DLGAP1: variants seen among roughly 807,000 people sequenced by gnomAD.
The protein encoded by DLGAP1 is disks large-associated protein 1.
A neutral mutation model predicts 90.8 loss-of-function variants in DLGAP1; 11 were observed. That is an observed-to-expected ratio of 0.12 (90% confidence interval 0.08 to 0.20). The LOEUF (loss-of-function observed/expected upper bound fraction) is 0.20. Among genes scored for constraint, DLGAP1 ranks in the 10% least tolerant of loss-of-function variants. The pLI is 1.00. For synonymous variants in DLGAP1, 558 were observed against 540.7 expected, an observed-to-expected ratio of 1.03 and a Z score of -0.44; for missense variants, 1,050 against 1,333.8, an observed-to-expected ratio of 0.79 and a Z score of 3.31.
Position 4,378,226 on chromosome 18 carries a change from G to T in DLGAP1, c.-267+76780C>A, listed in dbSNP as rs1445336070. 6.6e-6 allele frequency among the ~76,000 whole-genome samples: 1 copy of T among 151,340 alleles called. No individual in the cohort carries two copies. The highest frequency in any genetic ancestry group is 1.5e-5 in the Non-Finnish European group (1 of 67,828). On this transcript the variant is annotated intron_variant, in intron 1 of 12. Coordinates refer to ENST00000315677, the MANE Select transcript of DLGAP1 (RefSeq NM_004746.4). The surrounding 1 kb of genome is among the most constrained non-coding windows in gnomAD (Gnocchi z 4.5). The stretch of plus-strand genomic sequence containing the variant: ...ACTGAATGGGGGAGGTGTGGAATGG[G>T]GAAGCCAGGAAAGAGGTAAGAATAA...
At chr18:3,556,792 C>G (rs11875450) in intron 9 of DLGAP1, among the ~76,000 whole-genome samples, 27,695 of 152,012 alleles carry the variant, frequency 0.18, 2,909 homozygotes, top group East Asian at 0.31. Flanking sequence ...AAATTGCTGA[C>G]TTGTATGGTA....
At chr18:3,749,307 C>A (rs1399515866) in intron 5 of DLGAP1, among the ~76,000 whole-genome samples, 1 of 151,988 alleles carries the variant, frequency 6.6e-6, no homozygotes, top group African/African-American at 2.4e-5. Context: ...TGCCACCACA[C>A]CCAGCTAATT....
intron 1 of DLGAP1, among the ~76,000 whole-genome samples, chr18:4,329,699 A>G (rs1297875611): frequency 6.6e-6 from 1 of 152,016 alleles, no homozygotes; most frequent in African/African-American, 2.4e-5. Flanking sequence ...TAGATTTTGA[A>G]AACATGGGTT....
At chr18:3,908,176 A>G (rs1022037837) in intron 3 of DLGAP1, among the ~76,000 whole-genome samples, 2 of 152,222 alleles carry the variant, frequency 1.3e-5, no homozygotes, top group Admixed American at 1.3e-4. Context: ...AGAGTAGGAC[A>G]GAATTCCCTG....
At chr18:4,210,390 T>C (rs931700269) in intron 1 of DLGAP1, among the ~76,000 whole-genome samples, 1 of 152,210 alleles carries the variant, frequency 6.6e-6, no homozygotes, top group Non-Finnish European at 1.5e-5. Flanking sequence ...GGAAATGTAC[T>C]CAGCTCATAG....
chr18:4,164,509 G>A (rs985096519), intron 1 of DLGAP1, among the ~76,000 whole-genome samples: 30 of 152,042 alleles, frequency 2.0e-4, no homozygotes, highest in Admixed American at 7.2e-4. Flanking sequence ...GTGAAACCCC[G>A]TCCCTACTAA....
intron 3 of DLGAP1, among the ~76,000 whole-genome samples, chr18:3,953,285 T>G (rs2073024127): frequency 6.6e-6 from 1 of 152,160 alleles, no homozygotes; most frequent in East Asian, 1.9e-4. Context: ...ATCACCCAAA[T>G]AGTGACCATT....
intron 1 of DLGAP1, among the ~76,000 whole-genome samples, chr18:4,279,818 C>G (rs2079508483): frequency 6.6e-6 from 1 of 152,028 alleles, no homozygotes; most frequent in African/African-American, 2.4e-5. Context: ...TTTTAGTTTT[C>G]ATTAATTATA....
intron 1 of DLGAP1, among the ~76,000 whole-genome samples, chr18:4,189,687 G>T (rs2077360102): frequency 2.6e-5 from 4 of 152,012 alleles, no homozygotes; most frequent in Non-Finnish European, 5.9e-5. Flanking sequence ...GAAGTCAGAG[G>T]ACTGACACTA....
At chr18:4,330,047 G>C (rs1019660169) in intron 1 of DLGAP1, among the ~76,000 whole-genome samples, 17 of 151,920 alleles carry the variant, frequency 1.1e-4, no homozygotes, top group African/African-American at 3.9e-4. Flanking sequence ...ATGCTTGATA[G>C]ACATTGAGCT....
chr18:4,238,758 C>T (rs1021068460), intron 1 of DLGAP1, among the ~76,000 whole-genome samples: 38 of 152,108 alleles, frequency 2.5e-4, no homozygotes, highest in Non-Finnish European at 8.8e-5. Context: ...ATAGGAGCTG[C>T]TTTCATATTA....
At position 3,808,822 on chromosome 18, in the gene DLGAP1, A is replaced by AAAC. The variant is rs368370134; in HGVS notation, c.1172+5234_1172+5236dup. Reference sequence around the variant, plus strand: ...GGGGAGCAAAAAACGTATACAAGATAAACAACAACAACAACAAAAGAGACT... The same window carrying AAAC: ...GGGGAGCAAAAAACGTATACAAGATAAACAACAACAACAACAACAAAAGAGACT... On this transcript the variant is annotated intron_variant, in intron 5 of 12. Transcript: ENST00000315677. 1.3e-3 allele frequency among the ~76,000 whole-genome samples: 191 copies of AAAC among 152,162 alleles called. 1 individual carries two copies. Among genetic ancestry groups the AAAC allele is most frequent in the African/African-American group, 4.4e-3 (182 of 41,524 alleles).
At chr18:3,959,042 T>C (rs1345604190) in intron 3 of DLGAP1, among the ~76,000 whole-genome samples, 1 of 152,206 alleles carries the variant, frequency 6.6e-6, no homozygotes, top group Non-Finnish European at 1.5e-5. Context: ...TCCAACCTAG[T>C]TGAAAGATTT....
intron 8 of DLGAP1, among the ~76,000 whole-genome samples, chr18:3,572,069 GTTTTTTTTTT>G (rs67491547): frequency 9.5e-6 from 1 of 105,620 alleles, no homozygotes; most frequent in East Asian, 3.1e-4. Context: ...TTTCTTCTAG[GTTTTTTTTTT>G]TTTTTTTTTT....
chr18:3,646,884 T>C lies in DLGAP1; in HGVS notation c.1592-64636A>G, dbSNP rs546987284. On this transcript the variant is annotated intron_variant, in intron 7 of 12. Coordinates refer to ENST00000315677, the MANE Select transcript of DLGAP1 (RefSeq NM_004746.4). ...AGCTTGCAGTGAGCCAAGATCGAAC[T>C]ACTGCACTTCAGCCTGGGCAACAGG... 6.0e-3 allele frequency among the ~76,000 whole-genome samples: 907 copies of C among 151,822 alleles called. 9 individuals carry two copies. The highest frequency in any genetic ancestry group is 0.02 in the African/African-American group (837 of 41,266).
intron 1 of DLGAP1, among the ~76,000 whole-genome samples, chr18:4,185,606 A>G (rs2077280059): frequency 6.6e-6 from 1 of 152,120 alleles, no homozygotes; most frequent in Non-Finnish European, 1.5e-5. Context: ...TTATAGCTGC[A>G]TAGTATTCCA....
At chr18:4,297,861 G>A (rs986793407) in intron 1 of DLGAP1, among the ~76,000 whole-genome samples, 1 of 152,048 alleles carries the variant, frequency 6.6e-6, no homozygotes, top group African/African-American at 2.4e-5. Context: ...CTAATTTGGG[G>A]GTTCCTCTCC....
chr18:3,724,571 C>T (rs989425205), intron 7 of DLGAP1, among the ~76,000 whole-genome samples: 1 of 151,644 alleles, frequency 6.6e-6, no homozygotes, highest in Non-Finnish European at 1.5e-5. Flanking sequence ...TGGTGAAACC[C>T]CATCTCTACC....
At chr18:3,513,058 G>A (rs8094761) in intron 10 of DLGAP1, among the ~76,000 whole-genome samples, 1,918 of 152,050 alleles carry the variant, frequency 0.013, 22 homozygotes, top group Non-Finnish European at 0.02. Flanking sequence ...GGCACCCACC[G>A]TTCCACTCTC....
Sources: gnomAD v4.1 joint callset for allele counts (sites outside exome capture counted in the v4.1 genomes callset) on GRCh38, gnomAD v4.1.1 for gene constraint, Gnocchi (gnomAD v3.1) non-coding constraint, MANE v1.5 for transcripts, NCBI Gene and HGNC (gene_info 2026-07-23, HGNC 2026-07-21) for gene names.